SMYD3: variants seen among roughly 807,000 people sequenced by gnomAD.
SMYD3 encodes SET and MYND domain containing 3.
Under a neutral mutation model 57.7 loss-of-function variants are expected in SMYD3, and 36 were observed. That is an observed-to-expected ratio of 0.62 (90% CI 0.48 to 0.82). The LOEUF is 0.82. SMYD3 is among the 40% of genes least tolerant of loss of function. The pLI, the probability that SMYD3 is intolerant of heterozygous loss-of-function variation, is 0.00. For missense variants in SMYD3, 515 were observed against 538.8 expected (o/e 0.96, Z 0.44); for synonymous variants, 211 against 195.0 (o/e 1.08, Z -0.68).
In SMYD3 at chr1:245,972,997, A is replaced by G. The variant is rs572130184; in HGVS notation, c.532-43060T>C. Among the ~76,000 whole-genome samples, 6 of 152,350 alleles carry G rather than the reference A, an allele frequency of 3.9e-5. No individual in the cohort carries two copies. The East Asian group carries it at 5.8e-4, about 15-fold the overall frequency. ...ATGCCTGGCACAAATTGGGTACTCA[A>G]TAAATAAATGATGTCATTGCTGCTG... On this transcript the variant is annotated intron_variant, in intron 5 of 11. Transcript: ENST00000490107.
At chr1:245,789,952 A>G (rs761967458) in intron 10 of SMYD3, among the ~76,000 whole-genome samples, 4 of 152,244 alleles carry the variant, frequency 2.6e-5, no homozygotes, top group Admixed American at 6.5e-5. Context: ...TTCACATTAC[A>G]GATTCCACAT....
intron 1 of SMYD3, among the ~76,000 whole-genome samples, chr1:246,386,844 T>C (rs1488644536): frequency 6.6e-6 from 1 of 152,080 alleles, no homozygotes; most frequent in Non-Finnish European, 1.5e-5. Context: ...TTATACATTA[T>C]AAGATTGTTA....
intron 5 of SMYD3, among the ~76,000 whole-genome samples, chr1:246,031,685 A>C (rs1032372736): frequency 2.6e-5 from 4 of 151,610 alleles, no homozygotes; most frequent in African/African-American, 4.8e-5. Context: ...TGCAGTGAGC[A>C]GAGATCGCGC....
At chr1:246,230,497 C>T (rs1237175181) in intron 5 of SMYD3, among the ~76,000 whole-genome samples, 3 of 152,200 alleles carry the variant, frequency 2.0e-5, no homozygotes, top group Non-Finnish European at 2.9e-5. Context: ...GCATTGCCAA[C>T]TCTGGAGAGA....
chr1:246,436,853 G>A (rs1015868226), intron 1 of SMYD3, among the ~76,000 whole-genome samples: 3 of 150,984 alleles, frequency 2.0e-5, no homozygotes, highest in Non-Finnish European at 4.4e-5. Flanking sequence ...TCATTCAGTA[G>A]AAGGGAAAAG....
At position 246,065,987 on chromosome 1, in the gene SMYD3, C is replaced by A. The variant is rs1301062796; in HGVS notation, c.532-136050G>T. Among the ~76,000 whole-genome samples the A allele has an allele frequency of 2.0e-5, 3 of 152,154 alleles. No homozygotes were observed. The East Asian group carries it at 5.8e-4, about 29-fold the overall frequency. Reference sequence around the variant, plus strand: ...CATCTGTTTTTGTTGTAAACTGCCACTCAGGAGATAACTTTCATTAATTTG... The same window carrying A: ...CATCTGTTTTTGTTGTAAACTGCCAATCAGGAGATAACTTTCATTAATTTG... On this transcript the variant is annotated intron_variant, in intron 5 of 11. Transcript: ENST00000490107.
At chr1:246,279,777 C>A (rs79720235) in intron 5 of SMYD3, among the ~76,000 whole-genome samples, 2 of 152,152 alleles carry the variant, frequency 1.3e-5, no homozygotes, top group East Asian at 3.8e-4. Context: ...ACAGCCCTGC[C>A]TGTGACGCAT....
At chr1:245,854,598 TC>T in intron 10 of SMYD3, among the ~76,000 whole-genome samples, 1 of 151,430 alleles carries the variant, frequency 6.6e-6, no homozygotes, top group Non-Finnish European at 1.5e-5. Flanking sequence ...TCCTTTTCTC[TC>T]TCTCTCTCTC....
chr1:246,132,102 C>T (rs1280701471), intron 5 of SMYD3, among the ~76,000 whole-genome samples: 4 of 150,388 alleles, frequency 2.7e-5, no homozygotes, highest in African/African-American at 4.8e-5. Flanking sequence ...ACATGCCCAT[C>T]GGCGACTTGG....
chr1:246,240,141 T>C (rs2063582380), intron 5 of SMYD3, among the ~76,000 whole-genome samples: 1 of 152,240 alleles, frequency 6.6e-6, no homozygotes, highest in East Asian at 1.9e-4. Flanking sequence ...TTGCTTTTGC[T>C]GTTTTAGTCA....
intron 5 of SMYD3, among the ~76,000 whole-genome samples, chr1:246,024,343 AGG>A (rs2059534515): frequency 6.7e-6 from 1 of 149,070 alleles, no homozygotes. Context: ...GCATCTAGGA[AGG>A]AGATACAGGA....
At chr1:246,267,714 T>C (rs1177312062) in intron 5 of SMYD3, among the ~76,000 whole-genome samples, 1 of 152,204 alleles carries the variant, frequency 6.6e-6, no homozygotes, top group Non-Finnish European at 1.5e-5. Flanking sequence ...AGCCCCTTCC[T>C]GGATTACAAC....
intron 1 of SMYD3, among the ~76,000 whole-genome samples, chr1:246,505,795 A>AACTTCAGCTCT (rs1426075472): frequency 1.3e-5 from 2 of 152,236 alleles, no homozygotes; most frequent in African/African-American, 4.8e-5. Flanking sequence ...CACAAGACTC[A>AACTTCAGCTCT]ACTTCAGCTC....
chr1:245,962,647 G>A (rs1040958063), intron 5 of SMYD3, among the ~76,000 whole-genome samples: 12 of 152,070 alleles, frequency 7.9e-5, no homozygotes, highest in African/African-American at 2.4e-4. Flanking sequence ...GGGTTGCGTC[G>A]AACAATAAAG....
At chr1:245,994,995 T>C (rs895784249) in intron 5 of SMYD3, among the ~76,000 whole-genome samples, 2 of 152,002 alleles carry the variant, frequency 1.3e-5, no homozygotes, top group African/African-American at 4.8e-5. Flanking sequence ...GGTGGTGGCA[T>C]GCGCCTGTAG....
intron 1 of SMYD3, among the ~76,000 whole-genome samples, chr1:246,408,526 C>CT (rs2066906033): frequency 6.6e-6 from 1 of 152,060 alleles, no homozygotes; most frequent in African/African-American, 2.4e-5. Context: ...GCTACATGTC[C>CT]TTAACACCAG....
intron 5 of SMYD3, among the ~76,000 whole-genome samples, chr1:246,324,204 CAGG>C (rs1017822003): frequency 1.3e-5 from 2 of 152,064 alleles, no homozygotes; most frequent in African/African-American, 4.8e-5. Context: ...CATCCGAGGT[CAGG>C]AGATTGAGAC....
intron 11 of SMYD3, among the ~76,000 whole-genome samples, chr1:245,753,465 A>G (rs2045479892): frequency 6.6e-6 from 1 of 152,222 alleles, no homozygotes; most frequent in Non-Finnish European, 1.5e-5. Flanking sequence ...ATGGTGTGAC[A>G]CAGGTCAGCA....
At chr1:246,188,605 A>AT (rs530386449) in intron 5 of SMYD3, among the ~76,000 whole-genome samples, 67 of 147,506 alleles carry the variant, frequency 4.5e-4, no homozygotes, top group East Asian at 5.9e-4. Flanking sequence ...TGTGGTTGAC[A>AT]TTTTTTTTTT....
Sources: gnomAD v4.1 joint callset for allele counts (sites outside exome capture counted in the v4.1 genomes callset) on GRCh38, gnomAD v4.1.1 for gene constraint, MANE v1.5 for transcripts, NCBI Gene and HGNC (gene_info 2026-07-23, HGNC 2026-07-21) for gene names.